Variants in SLC27A6 observed in about 807,000 individuals in gnomAD.
SLC27A6 encodes the protein solute carrier family 27 member 6.
SLC27A6 carries 74 observed loss-of-function variants against 63.9 expected under a neutral mutation model. The observed-to-expected ratio is 1.16, with a 90% confidence interval of 0.96 to 1.40. The LOEUF (loss-of-function observed/expected upper bound fraction) is 1.40. Ranked by LOEUF, SLC27A6 falls within the 40% of genes most tolerant of loss-of-function variation. The pLI, the probability that SLC27A6 is intolerant of heterozygous loss-of-function variation, is 0.00. For synonymous variants in SLC27A6, 287 were observed against 260.8 expected (o/e 1.10, Z -0.97); for missense variants, 794 against 732.9 (o/e 1.08, Z -0.96).
intron 5 of SLC27A6, 99 bp from the exon 6 acceptor site, chr5:129,023,521 A>G: frequency 1.5e-6 from 1 of 655,698 alleles, no homozygotes; most frequent in South Asian, 2.2e-5. Context: ...TATTTCAATT[A>G]GCATAGTCTA....
chr5:128,983,580 C>T (rs1750688764), intron 1 of SLC27A6, among the ~76,000 whole-genome samples: 1 of 152,142 alleles, frequency 6.6e-6, no homozygotes, highest in Non-Finnish European at 1.5e-5. Flanking sequence ...CAGGCATGAG[C>T]CACCGGGCCT....
At chr5:128,993,079 A>T (rs1561619215) in intron 4 of SLC27A6, among the ~76,000 whole-genome samples, 1 of 152,234 alleles carries the variant, frequency 6.6e-6, no homozygotes, top group Non-Finnish European at 1.5e-5. Context: ...AAGTATGTGG[A>T]TACTTTTGCG....
Position 129,025,445 on chromosome 5 carries a change from GATATAT to G in SLC27A6, c.1256-1676_1256-1671del, listed in dbSNP as rs138346310. Among the ~76,000 whole-genome samples the G allele has an allele frequency of 7.4e-5, 11 of 148,544 alleles. No homozygotes were observed. In the Middle Eastern group the frequency reaches 0.01, roughly 141 times the overall value. ...AAGGCTTTGGAGTCAGATGTACCTGGATATATATATATATATACTCCGACTCCTGCA... is the reference window on the plus strand; with the variant it reads ...AAGGCTTTGGAGTCAGATGTACCTGGATATATATATACTCCGACTCCTGCA... On this transcript the variant is annotated intron_variant, in intron 6 of 9. Coordinates refer to ENST00000262462, the MANE Select transcript of SLC27A6 (RefSeq NM_001017372.3).
chr5:128,970,557 T>C (rs1750107857), intron 1 of SLC27A6, among the ~76,000 whole-genome samples: 1 of 152,190 alleles, frequency 6.6e-6, no homozygotes, highest in East Asian at 1.9e-4. Flanking sequence ...GAGGTGTTTA[T>C]AGTATTCTCT....
In SLC27A6 at chr5:129,023,728, A is replaced by G. The variant is rs1271565672; in HGVS notation, c.1255+18A>G. 5.1e-6 allele frequency: 8 copies of G among 1,553,632 alleles called. No individual in the cohort carries two copies. The African/African-American group carries it at 8.2e-5, about 16-fold the overall frequency. On this transcript the variant is annotated intron_variant, in intron 6 of 9. Coordinates refer to ENST00000262462, the MANE Select transcript of SLC27A6 (RefSeq NM_001017372.3). Reference sequence around the variant, plus strand: ...GAAAAAAGGTAAGACTTCTATTTGAAGACATCTCCTCAAGCAAAGTTTCTG... The same window carrying G: ...GAAAAAAGGTAAGACTTCTATTTGAGGACATCTCCTCAAGCAAAGTTTCTG...
intron 1 of SLC27A6, among the ~76,000 whole-genome samples, chr5:128,973,430 A>G (rs1054116866): frequency 6.6e-6 from 1 of 152,166 alleles, no homozygotes; most frequent in Non-Finnish European, 1.5e-5. Context: ...GGCTCCACCC[A>G]GTTCGATCTT....
At chr5:128,990,145 T>A (rs773434306) in intron 3 of SLC27A6, among the ~76,000 whole-genome samples, 195 bp from the exon 4 acceptor site, 1 of 152,230 alleles carries the variant, frequency 6.6e-6, no homozygotes, top group Non-Finnish European at 1.5e-5. Flanking sequence ...AATTTAGAAT[T>A]ACAATATTTT....
At chr5:128,972,604 T>G (rs1291516026) in intron 1 of SLC27A6, among the ~76,000 whole-genome samples, 3 of 152,210 alleles carry the variant, frequency 2.0e-5, no homozygotes, top group Non-Finnish European at 4.4e-5. Context: ...CGTGCCATGG[T>G]TTTCAGCTCC....
At chr5:129,025,544 G>T (rs1752211346) in intron 6 of SLC27A6, among the ~76,000 whole-genome samples, 1 of 151,928 alleles carries the variant, frequency 6.6e-6, no homozygotes, top group Non-Finnish European at 1.5e-5. Context: ...TTAAAATGAA[G>T]ATATTATCTG....
chr5:129,020,508 G>A (rs1404885168), intron 5 of SLC27A6, among the ~76,000 whole-genome samples: 1 of 152,016 alleles, frequency 6.6e-6, no homozygotes, highest in African/African-American at 2.4e-5. Flanking sequence ...GGGAGGAAAG[G>A]AAGAAATGGT....
chr5:128,970,015 A>C (rs1040128878), intron 1 of SLC27A6, among the ~76,000 whole-genome samples: 7 of 152,020 alleles, frequency 4.6e-5, no homozygotes, highest in Admixed American at 6.6e-5. Context: ...GCATCTATTG[A>C]GATAATCATG....
chr5:129,002,853 A>C (rs1230532259), intron 4 of SLC27A6, among the ~76,000 whole-genome samples: 3 of 152,198 alleles, frequency 2.0e-5, no homozygotes, highest in Non-Finnish European at 4.4e-5. Context: ...ATGGGGGCTC[A>C]AGCATGTTCT....
chr5:128,985,125 G>A lies in SLC27A6; in HGVS notation c.482-8G>A, dbSNP rs1750742431. 6.2e-7 allele frequency: 1 copy of A among 1,609,916 alleles called. No homozygotes were observed. ...TTGCTTAACTCTTCCCAACCCTTTG[G>A]CTTTTAGATTTGCTTGGAACGGTAG... On this transcript the variant is annotated splice_polypyrimidine_tract_variant and splice_region_variant and intron_variant, in intron 1 of 9. Transcript: ENST00000262462.
rs568893304 is a variant in SLC27A6 at position 129,009,974 on chromosome 5, G to C, written c.970-5911G>C. Among the ~76,000 whole-genome samples the C allele has an allele frequency of 1.6e-3, 239 of 152,256 alleles. 1 individual carries two copies. The highest frequency in any genetic ancestry group is 5.6e-3 in the African/African-American group (232 of 41,536). On this transcript the variant is annotated intron_variant, in intron 4 of 9. Transcript: ENST00000262462. Reference sequence around the variant, plus strand: ...TTACAGGCATGAGCCACTGCACCTGGCGCTAACATTTCTTAATAAGATTTA... The same window carrying C: ...TTACAGGCATGAGCCACTGCACCTGCCGCTAACATTTCTTAATAAGATTTA...
chr5:128,982,316 A>G (rs1750622869), intron 1 of SLC27A6, among the ~76,000 whole-genome samples: 1 of 152,224 alleles, frequency 6.6e-6, no homozygotes, highest in Admixed American at 6.5e-5. Flanking sequence ...ATTAATTTTA[A>G]CTTATGAAAG....
chr5:128,993,198 G>A (rs1237050304), intron 4 of SLC27A6, among the ~76,000 whole-genome samples: 1 of 152,164 alleles, frequency 6.6e-6, no homozygotes. Flanking sequence ...AGTACTGGGT[G>A]TTATTAAAAA....
chr5:128,967,618 T>C (rs1749956230), intron 1 of SLC27A6, among the ~76,000 whole-genome samples: 1 of 152,190 alleles, frequency 6.6e-6, no homozygotes, highest in Non-Finnish European at 1.5e-5. Flanking sequence ...ACCTTTATGA[T>C]ATAATATTTG....
At chr5:128,989,471 A>G (rs1412758733) in intron 3 of SLC27A6, among the ~76,000 whole-genome samples, 1 of 152,242 alleles carries the variant, frequency 6.6e-6, no homozygotes, top group East Asian at 1.9e-4. Context: ...GAATATTTAG[A>G]ATATGATCAA....
At chr5:128,978,012 A>G (rs992168005) in intron 1 of SLC27A6, among the ~76,000 whole-genome samples, 6 of 152,216 alleles carry the variant, frequency 3.9e-5, no homozygotes, top group African/African-American at 1.4e-4. Context: ...AATCTCAAAC[A>G]CTTTAATTTT....
Sources: allele counts gnomAD v4.1 joint callset (sites outside exome capture counted in the v4.1 genomes callset), GRCh38; gene constraint gnomAD v4.1.1; transcripts MANE v1.5; gene names NCBI Gene and HGNC (gene_info 2026-07-23, HGNC 2026-07-21).